The following BFAR variants were observed in gnomAD, a reference collection of about 807,000 sequenced individuals.
BFAR encodes the protein RING finger protein 47.
Under a neutral mutation model 54.4 loss-of-function variants are expected in BFAR, and 52 were observed. The ratio of observed to expected loss-of-function variants is 0.96; its 90% CI spans 0.77 to 1.21. The LOEUF (loss-of-function observed/expected upper bound fraction) is 1.21, where lower values mean the gene tolerates loss of function less well. Ranked by LOEUF, BFAR falls within the 50% of genes most tolerant of loss-of-function variation. BFAR has a pLI of 0.00. For missense variants in BFAR, 571 were observed against 534.0 expected (o/e 1.07, Z -0.68); for synonymous variants, 215 against 204.3 (o/e 1.05, Z -0.45).
chr16:14,641,004 C>A (rs1167573479), intron 1 of BFAR, among the ~76,000 whole-genome samples: 1 of 152,202 alleles, frequency 6.6e-6, no homozygotes, highest in Non-Finnish European at 1.5e-5. Flanking sequence ...TTTTGCTGTC[C>A]TCTTCAGTTC....
At chr16:14,661,739 G>T (rs1475809603) in intron 5 of BFAR, among the ~76,000 whole-genome samples, 153 bp from the exon 6 acceptor site, 1 of 152,134 alleles carries the variant, frequency 6.6e-6, no homozygotes, top group African/African-American at 2.4e-5. Context: ...CCCCAAATGT[G>T]GATCACTTGG....
intron 1 of BFAR, among the ~76,000 whole-genome samples, chr16:14,638,814 G>A (rs1363930038): frequency 6.6e-6 from 1 of 151,964 alleles, no homozygotes; most frequent in Non-Finnish European, 1.5e-5. Context: ...GCATGGTGCT[G>A]GGCGCCTGTA....
chr16:14,645,822 A>G (rs1343627782), intron 2 of BFAR, among the ~76,000 whole-genome samples: 2 of 152,184 alleles, frequency 1.3e-5, no homozygotes, highest in African/African-American at 2.4e-5. Flanking sequence ...GATTTTAATA[A>G]CATAAGATAC....
chr16:14,652,558 C>T (rs952417671), intron 4 of BFAR, among the ~76,000 whole-genome samples: 2 of 151,846 alleles, frequency 1.3e-5, no homozygotes, highest in African/African-American at 2.4e-5. Context: ...TAGGATTACA[C>T]GTGTGAGCCA....
chr16:14,641,332 C>T (rs1268203938), intron 1 of BFAR, among the ~76,000 whole-genome samples: 3 of 152,156 alleles, frequency 2.0e-5, no homozygotes, highest in Non-Finnish European at 4.4e-5. Flanking sequence ...ACGCCTGCAG[C>T]CTGCTGCTGA....
At chr16:14,651,723 AC>A (rs1959973164) in intron 4 of BFAR, among the ~76,000 whole-genome samples, 1 of 151,560 alleles carries the variant, frequency 6.6e-6, no homozygotes, top group Admixed American at 6.6e-5. Flanking sequence ...CAAACAATCC[AC>A]CCGCCTGAGC....
chr16:14,642,242 G>A (rs1485937510), intron 1 of BFAR, among the ~76,000 whole-genome samples: 4 of 152,158 alleles, frequency 2.6e-5, no homozygotes, highest in African/African-American at 4.8e-5. Context: ...TTTCTATAGC[G>A]CGTATTTACA....
intron 4 of BFAR, among the ~76,000 whole-genome samples, chr16:14,653,850 G>A (rs188335549): frequency 2.0e-5 from 3 of 151,564 alleles, no homozygotes; most frequent in Admixed American, 2.0e-4. Context: ...TAAAACGACA[G>A]GTGCATGCCA....
At chr16:14,646,698 ATGT>A (rs2151838217) in intron 2 of BFAR, among the ~76,000 whole-genome samples, 1 of 140,532 alleles carries the variant, frequency 7.1e-6, no homozygotes, top group South Asian at 2.3e-4. Context: ...GAGTTTCTCC[ATGT>A]TGGTCAGGCT....
chr16:14,647,249 T>C (rs1352530001), intron 2 of BFAR, among the ~76,000 whole-genome samples: 1 of 152,040 alleles, frequency 6.6e-6, no homozygotes, highest in African/African-American at 2.4e-5. Context: ...CACACCCGGT[T>C]GATTTTTGTA....
Position 14,644,390 on chromosome 16 carries a change from A to T in BFAR, c.44A>T (p.Glu15Val). 1 of 1,613,934 alleles carries T rather than the reference A, an allele frequency of 6.2e-7. No homozygotes were observed. The highest frequency in any genetic ancestry group is 8.5e-7 in the Non-Finnish European group (1 of 1,179,882). Residue 15 changes from glutamate to valine, a missense_variant, in exon 2 of 8, where the codon GAG becomes GTG. Coordinates refer to ENST00000261658, the MANE Select transcript of BFAR (RefSeq NM_016561.3). Reference protein sequence around the residue: ...QKSYVNTMDLERDEPLKSTGP... With the variant: ...QKSYVNTMDLVRDEPLKSTGP... ...AGCTATGTGAACACAATGGACCTTG[A>T]GAGAGATGAACCTCTCAAAAGCACC... is the stretch of plus-strand genomic sequence containing the variant.
chr16:14,657,134 A>G (rs1352995648), intron 5 of BFAR, among the ~76,000 whole-genome samples: 1 of 152,090 alleles, frequency 6.6e-6, no homozygotes, highest in Non-Finnish European at 1.5e-5. Flanking sequence ...ATGCTTCTGT[A>G]ATATGTGCGT....
At chr16:14,657,249 T>C (rs1960154734) in intron 5 of BFAR, among the ~76,000 whole-genome samples, 2 of 151,996 alleles carry the variant, frequency 1.3e-5, no homozygotes, top group Non-Finnish European at 2.9e-5. Flanking sequence ...GTTTTTGTTT[T>C]GTTTTGTTTT....
chr16:14,644,120 G>T (rs1336273391), intron 1 of BFAR, among the ~76,000 whole-genome samples, 154 bp from the exon 2 acceptor site: 1 of 147,320 alleles, frequency 6.8e-6, no homozygotes, highest in Non-Finnish European at 1.5e-5. Flanking sequence ...CTGAGATCAC[G>T]CCACTGCACT....
At chr16:14,664,339 C>T (rs1290713797) in intron 6 of BFAR, among the ~76,000 whole-genome samples, 6 of 142,914 alleles carry the variant, frequency 4.2e-5, no homozygotes, top group African/African-American at 1.6e-4. Context: ...TGCAGTGAGC[C>T]GAGATGGCAC....
At chr16:14,666,486 G>A (rs1283937582) in intron 7 of BFAR, among the ~76,000 whole-genome samples, 3 of 152,002 alleles carry the variant, frequency 2.0e-5, no homozygotes, top group Non-Finnish European at 2.9e-5. Context: ...CAGGAGGATC[G>A]CTTGAACTCA....
intron 7 of BFAR, among the ~76,000 whole-genome samples, chr16:14,666,196 G>A (rs1339070357): frequency 6.6e-6 from 1 of 152,164 alleles, no homozygotes; most frequent in Admixed American, 6.6e-5. Flanking sequence ...CTTGAGGCAT[G>A]AGTTCACCCC....
intron 1 of BFAR, among the ~76,000 whole-genome samples, chr16:14,642,554 T>C (rs1959661256): frequency 6.6e-6 from 1 of 152,202 alleles, no homozygotes; most frequent in South Asian, 2.1e-4. Flanking sequence ...ATTAGTAATA[T>C]TAGCATTTCT....
intron 1 of BFAR, among the ~76,000 whole-genome samples, chr16:14,642,865 C>A (rs549256133): frequency 3.3e-4 from 51 of 152,276 alleles, no homozygotes; most frequent in African/African-American, 1.2e-3. Context: ...AAGTCATAGA[C>A]CTGGAAAGGT....
Sources: allele counts gnomAD v4.1 joint callset (sites outside exome capture counted in the v4.1 genomes callset), GRCh38; gene constraint gnomAD v4.1.1; transcripts MANE v1.5; gene names NCBI Gene and HGNC (gene_info 2026-07-23, HGNC 2026-07-21).